ARHGEF28: variants seen among roughly 807,000 people sequenced by gnomAD.
ARHGEF28 encodes the protein Rho guanine nucleotide exchange factor 28.
A neutral mutation model predicts 206.6 loss-of-function variants in ARHGEF28; 152 were observed. The ratio of observed to expected loss-of-function variants is 0.74; its 90% confidence interval spans 0.64 to 0.84. The LOEUF (loss-of-function observed/expected upper bound fraction) is 0.84. ARHGEF28 is among the 40% of genes least tolerant of loss of function. The pLI is 0.00. For synonymous variants in ARHGEF28, 763 were observed against 776.4 expected (o/e 0.98, Z 0.29); for missense variants, 2,028 against 2,073.2 (o/e 0.98, Z 0.42).
chr5:73,904,112 G>A (rs908301449), intron 31 of ARHGEF28, 110 bp from the exon 32 acceptor site: 16 of 1,061,814 alleles, frequency 1.5e-5, no homozygotes, highest in Non-Finnish European at 2.3e-5. Context: ...AGGTAATCAA[G>A]TTTAGAGATA....
rs1434410150 is a variant in ARHGEF28, at chr5:73,846,428, A to G, written c.1588A>G (p.Ile530Val). 2 of 1,613,836 alleles carry G rather than the reference A, an allele frequency of 1.2e-6. No individual in the cohort carries two copies. The highest frequency in any genetic ancestry group is 2.2e-5 in the East Asian group (1 of 44,894). The change falls in exon 12 of 36, where the codon ATC becomes GTC. Residue 530 changes from isoleucine to valine, a missense_variant. Transcript: ENST00000513042. ...FETNTEPDFNISRAESLPLSS... is the reference protein window; with the variant it reads ...FETNTEPDFNVSRAESLPLSS... ...GACTAACACTGAACCGGATTTTAATATCTCCAGGGCTGAATCCCTTCCTCT... is the reference window on the plus strand; with the variant it reads ...GACTAACACTGAACCGGATTTTAATGTCTCCAGGGCTGAATCCCTTCCTCT...
intron 2 of ARHGEF28, among the ~76,000 whole-genome samples, chr5:73,744,628 A>G (rs960001578): frequency 3.9e-5 from 6 of 152,064 alleles, no homozygotes; most frequent in Non-Finnish European, 8.8e-5. Context: ...GTATTTTAGC[A>G]TAATAGTTTT....
At position 73,911,536 on chromosome 5, in the gene ARHGEF28, C is replaced by T; in HGVS notation, c.4909C>T (p.Leu1637Phe). ...AGCCGCTGGTTCCGGCCATCAGATACTTCCTTTCCATGAAAGCAGCAAGGA... is the reference window on the plus strand; with the variant it reads ...AGCCGCTGGTTCCGGCCATCAGATATTTCCTTTCCATGAAAGCAGCAAGGA... Reference protein sequence around the residue: ...WTAAGSGHQILPFHESSKDSC... With the variant: ...WTAAGSGHQIFPFHESSKDSC... Residue 1637 changes from leucine (L) to phenylalanine (F), a missense_variant, in exon 35 of 36, where the codon CTT (leucine) becomes TTT (phenylalanine). Physicochemically the swap from Leu to Phe is conservative, Grantham distance 22 (BLOSUM62 0). Transcript: ENST00000513042. 9.3e-6 allele frequency: 15 copies of T among 1,611,938 alleles called. No homozygotes were observed. The highest frequency in any genetic ancestry group is 1.3e-5 in the Non-Finnish European group (15 of 1,178,874).
At chr5:73,810,861 C>T (rs921372469) in intron 9 of ARHGEF28, among the ~76,000 whole-genome samples, 1 of 152,052 alleles carries the variant, frequency 6.6e-6, no homozygotes, top group African/African-American at 2.4e-5. Context: ...GTTAGGGAGC[C>T]CCTATAGATT....
intron 35 of ARHGEF28, among the ~76,000 whole-genome samples, chr5:73,924,332 T>G (rs1763685871): frequency 6.6e-6 from 1 of 152,190 alleles, no homozygotes; most frequent in Non-Finnish European, 1.5e-5. Flanking sequence ...GCTCAGTCAT[T>G]TATTATCTAT....
intron 4 of ARHGEF28, among the ~76,000 whole-genome samples, chr5:73,763,511 CT>C (rs1421643446): frequency 2.6e-5 from 4 of 152,146 alleles, no homozygotes; most frequent in African/African-American, 9.7e-5. Flanking sequence ...TGAGTCCACA[CT>C]TTTTCTGCTT....
chr5:73,940,820 A>C (rs1300575103), intron 35 of ARHGEF28, 24 bp from the exon 36 acceptor site: 1 of 1,453,578 alleles, frequency 6.9e-7, no homozygotes, highest in Non-Finnish European at 9.0e-7. Flanking sequence ...GCCTCCTGTA[A>C]CCTGTGCTGT....
intron 35 of ARHGEF28, among the ~76,000 whole-genome samples, chr5:73,940,438 C>T (rs1742532404): frequency 6.6e-6 from 1 of 152,198 alleles, no homozygotes. Context: ...TTATTTGAGC[C>T]TTGAAGTCAA....
intron 9 of ARHGEF28, among the ~76,000 whole-genome samples, chr5:73,805,986 CTATT>C (rs912448902): frequency 1.3e-4 from 20 of 151,324 alleles, no homozygotes; most frequent in African/African-American, 4.8e-4. Flanking sequence ...ATTTATTAAA[CTATT>C]TGTTAAACTC....
chr5:73,665,108 G>C (rs1369137841), intron 1 of ARHGEF28, among the ~76,000 whole-genome samples: 1 of 152,012 alleles, frequency 6.6e-6, no homozygotes, highest in East Asian at 1.9e-4. Flanking sequence ...GGATAGCAGT[G>C]GTCTCTTACT....
At chr5:73,814,746 C>A (rs1387806101) in intron 9 of ARHGEF28, among the ~76,000 whole-genome samples, 1 of 152,132 alleles carries the variant, frequency 6.6e-6, no homozygotes, top group Non-Finnish European at 1.5e-5. Flanking sequence ...TGGACGCTAG[C>A]AGTTGTCAGC....
intron 10 of ARHGEF28, among the ~76,000 whole-genome samples, chr5:73,836,965 A>G (rs1463677666): frequency 6.6e-6 from 1 of 151,828 alleles, no homozygotes; most frequent in Admixed American, 6.6e-5. Flanking sequence ...AGATTAATTG[A>G]CTGTATTTAT....
chr5:73,784,045 C>T lies in ARHGEF28; in HGVS notation c.910+3300C>T, dbSNP rs540460912. ...AATATTCAACTAAAGTGGAAACATT[C>T]AATTAGTTTTTGTCCATTCATGAGT... is the stretch of plus-strand genomic sequence containing the variant. On this transcript the variant is annotated intron_variant, in intron 7 of 35. Coordinates refer to ENST00000513042, the MANE Select transcript of ARHGEF28 (RefSeq NM_001177693.2). Among the ~76,000 whole-genome samples, 12 of 151,804 alleles carry T rather than the reference C, an allele frequency of 7.9e-5. No homozygotes were observed. The South Asian group carries it at 2.5e-3, about 32-fold the overall frequency.
chr5:73,870,111 C>T lies in ARHGEF28; in HGVS notation c.2468C>T (p.Ala823Val). The part of the protein sequence containing the change: ...SSLWSDLSSD[A>V]QEFEAESWSL... Reference sequence around the variant, plus strand: ...CTGTGGAGTGACCTCAGCAGTGATGCCCAGGAGTTTGAAGCAGAATCTTGG... The same window carrying T: ...CTGTGGAGTGACCTCAGCAGTGATGTCCAGGAGTTTGAAGCAGAATCTTGG... The change falls in exon 21 of 36, where the codon GCC becomes GTC. Residue 823 changes from alanine to valine, a missense_variant. Transcript: ENST00000513042. 6.2e-7 allele frequency: 1 copy of T among 1,613,836 alleles called. No homozygotes were observed. Among genetic ancestry groups the T allele is most frequent in the South Asian group, 1.1e-5 (1 of 91,060 alleles).
intron 2 of ARHGEF28, among the ~76,000 whole-genome samples, chr5:73,706,571 G>C (rs891890482): frequency 2.6e-5 from 4 of 152,200 alleles, no homozygotes; most frequent in African/African-American, 9.6e-5. Context: ...TGGATACTGT[G>C]TCTGGCACAG....
At chr5:73,678,521 G>C (rs1185784344) in intron 1 of ARHGEF28, among the ~76,000 whole-genome samples, 1 of 152,122 alleles carries the variant, frequency 6.6e-6, no homozygotes, top group Non-Finnish European at 1.5e-5. Context: ...TGATACAGCT[G>C]GTTTCTTCTT....
In ARHGEF28 at chr5:73,630,852, G is replaced by T. The variant is rs1743324196; in HGVS notation, c.-12+4530G>T. Among the ~76,000 whole-genome samples the T allele has an allele frequency of 3.3e-5, 5 of 152,290 alleles. No homozygotes were observed. In the South Asian group the frequency reaches 1.0e-3, roughly 32 times the overall value. The stretch of plus-strand genomic sequence containing the variant: ...TTTGTCAATTTGCTTTACTTGTCTT[G>T]GTCAACACTACTGGAAAGGTACTGT... On this transcript the variant is annotated intron_variant, in intron 1 of 35. Transcript: ENST00000513042.
In ARHGEF28 at chr5:73,846,467, C is replaced by T; in HGVS notation, c.1627C>T (p.Gln543Ter). 6.2e-7 allele frequency: 1 copy of T among 1,613,288 alleles called. No individual in the cohort carries two copies. The highest frequency in any genetic ancestry group is 1.1e-5 in the South Asian group (1 of 91,060). ...AESLPLSSNL[Q>*]SKESLLSGVR... ...ATCCCTTCCTCTATCAAGTAATCTA[C>T]AGTCGAAGGTATTCTTATTGCTATT... Residue 543 changes from glutamine to a stop codon, truncating the protein, a stop_gained, in exon 12 of 36, where the codon CAG (glutamine) becomes TAG (stop). Coordinates refer to ENST00000513042, the MANE Select transcript of ARHGEF28 (RefSeq NM_001177693.2). LOFTEE classifies it high-confidence loss of function.
chr5:73,783,934 T>C (rs1754000698), intron 7 of ARHGEF28, among the ~76,000 whole-genome samples: 1 of 152,180 alleles, frequency 6.6e-6, no homozygotes. Flanking sequence ...GGGTATACTT[T>C]AGAGCCCTTG....
Sources: allele counts gnomAD v4.1 joint callset (sites outside exome capture counted in the v4.1 genomes callset), GRCh38; gene constraint gnomAD v4.1.1; transcripts MANE v1.5; gene names NCBI Gene and HGNC (gene_info 2026-07-23, HGNC 2026-07-21).